The following HMMR variants were observed in gnomAD, a reference collection of about 807,000 sequenced individuals.
HMMR encodes the protein hyaluronan mediated motility receptor.
HMMR carries 108 observed loss-of-function variants against 101.0 expected under a neutral mutation model. That is an observed-to-expected ratio of 1.07 (90% CI 0.92 to 1.25). HMMR has a LOEUF of 1.25. HMMR is among the 50% of genes most tolerant of loss of function. The pLI is 0.00. For missense variants in HMMR, 813 were observed against 788.7 expected, an observed-to-expected ratio of 1.03 and a Z score of -0.37; for synonymous variants, 296 against 276.4, an observed-to-expected ratio of 1.07 and a Z score of -0.70.
chr5:163,478,757 A>C lies in HMMR; in HGVS notation c.1342A>C (p.Ser448Arg). 1 of 1,612,670 alleles carries C rather than the reference A, an allele frequency of 6.2e-7. No individual in the cohort carries two copies. The highest frequency in any genetic ancestry group is 1.3e-5 in the African/African-American group (1 of 75,048). ...ATLLLQEKYD[S>R]MVQSLEDVTA... ...CCTGCTTTTGCAGGAAAAGTATGAC[A>C]GTATGGTGCAAAGCCTTGAAGATGT... Residue 448 changes from serine (S) to arginine (R), a missense_variant, in exon 12 of 18, where the codon AGT becomes CGT. Coordinates refer to ENST00000393915, the MANE Select transcript of HMMR (RefSeq NM_001142556.2).
At position 163,473,954 on chromosome 5, in the gene HMMR, T is replaced by C. The variant is rs916585000; in HGVS notation, c.905-103T>C. On this transcript the variant is annotated intron_variant, in intron 9 of 17. Transcript: ENST00000393915. ...ACAGTTTTGTTTTCTTCTTTGGAAA[T>C]ACCATGCTAAAAGCAGTGTAATGGA... The C allele has an allele frequency of 1.2e-5, 11 of 886,054 alleles. No individual in the cohort carries two copies. The East Asian group carries it at 2.7e-4, about 21-fold the overall frequency. 54.9% of individuals were successfully genotyped at this position (886,054 alleles called of 1,614,324 possible).
At chr5:163,475,380 C>T in intron 10 of HMMR, 78 bp from the exon 11 acceptor site, 1 of 705,152 alleles carries the variant, frequency 1.4e-6, no homozygotes, top group South Asian at 2.1e-5. Flanking sequence ...CCTTCTTTAT[C>T]TGTACTTTTT....
At chr5:163,486,116 A>G (rs1229188479) in intron 16 of HMMR, among the ~76,000 whole-genome samples, 1 of 152,178 alleles carries the variant, frequency 6.6e-6, no homozygotes, top group Admixed American at 6.5e-5. Flanking sequence ...GGTTTTGTCT[A>G]TTCTGGACCT....
intron 16 of HMMR, among the ~76,000 whole-genome samples, 193 bp downstream of exon 16, chr5:163,484,438 C>A (rs775352982): frequency 1.5e-4 from 23 of 152,056 alleles, no homozygotes; most frequent in Non-Finnish European, 3.1e-4. Flanking sequence ...AGTTTTCTAG[C>A]TACCTTCTTA....
rs756559073 is a variant in HMMR, at chr5:163,483,035, G to A, written c.1548G>A (p.Leu516=). Residue 516 remains leucine (L), a synonymous_variant, in exon 14 of 18, where the codon CTG becomes CTA. Transcript: ENST00000393915. The stretch of plus-strand genomic sequence containing the variant: ...CAAACCAAAGGATGCTTCTAGATCT[G>A]CAGACCAAGTCAGCACTAAAGGAAA... ...NQEYVRMLLD[L]QTKSALKETE... The A allele has an allele frequency of 1.2e-6, 2 of 1,603,648 alleles. No homozygotes were observed. The highest frequency in any genetic ancestry group is 1.7e-6 in the Non-Finnish European group (2 of 1,177,018).
intron 4 of HMMR, among the ~76,000 whole-genome samples, chr5:163,468,289 C>T (rs1275921797): frequency 1.3e-5 from 2 of 152,230 alleles, no homozygotes; most frequent in African/African-American, 4.8e-5. Context: ...CTCAATTCCT[C>T]AGTTGCAATA....
intron 2 of HMMR, among the ~76,000 whole-genome samples, chr5:163,464,179 G>A (rs1387810063): frequency 6.6e-6 from 1 of 152,144 alleles, no homozygotes; most frequent in East Asian, 1.9e-4. Flanking sequence ...TTGATATGTA[G>A]CTTCCCTTTT....
At position 163,474,146 on chromosome 5, in the gene HMMR, GA is replaced by G. The variant is rs776499506; in HGVS notation, c.996del (p.Glu332AspfsTer48). 140 of 1,610,914 alleles carry G rather than the reference GA, an allele frequency of 8.7e-5. No individual in the cohort carries two copies. The highest frequency in any genetic ancestry group is 7.5e-5 in the Non-Finnish European group (88 of 1,178,330). On this transcript the variant is annotated frameshift_variant, in exon 10 of 18. Coordinates refer to ENST00000393915, the MANE Select transcript of HMMR (RefSeq NM_001142556.2). LOFTEE classifies it high-confidence loss of function. ...ACAGAAGTTTATTCTTGAACAACAG[GA>G]ACGTGAAAAGCTTCAACAAAAAGAA... ...LKQKFILEQQ[E>X]REKLQQKELQ...
In HMMR at chr5:163,469,801, C is replaced by G. The variant is rs1183596413; in HGVS notation, c.434C>G (p.Thr145Ser). The change falls in exon 5 of 18, where the codon ACC becomes AGC. Residue 145 changes from threonine (T) to serine (S), a missense_variant. By Grantham distance (58) the Thr-to-Ser change is moderately conservative. Transcript: ENST00000393915. ...CTGGAAAAACAACTTATTGAATTGA[C>G]CAGGACTAATGAACTACTAAAATCT... ...ATLEKQLIEL[T>S]RTNELLKSKF... 6.2e-7 allele frequency: 1 copy of G among 1,607,494 alleles called. No homozygotes were observed. The highest frequency in any genetic ancestry group is 8.5e-7 in the Non-Finnish European group (1 of 1,174,750).
In HMMR at chr5:163,474,096, TAAATG is replaced by T. The variant is rs1758991377; in HGVS notation, c.945_949del (p.Asn316ArgfsTer12). On this transcript the variant is annotated frameshift_variant, in exon 10 of 18. Coordinates refer to ENST00000393915, the MANE Select transcript of HMMR (RefSeq NM_001142556.2). LOFTEE classifies it high-confidence loss of function. ...AGGAATAGAGAACACAACGAAAATC[TAAATG>T]CAGAGATGCAAAACTTAAAACAGAA... The T allele has an allele frequency of 6.2e-7, 1 of 1,611,656 alleles. No homozygotes were observed. Among genetic ancestry groups the T allele is most frequent in the African/African-American group, 1.3e-5 (1 of 74,848 alleles).
chr5:163,473,582 T>TA, intron 9 of HMMR, 25 bp downstream of exon 9: 1 of 1,443,236 alleles, frequency 6.9e-7, no homozygotes, highest in Non-Finnish European at 9.4e-7. Context: ...TATAGTTACT[T>TA]TGTTTAGATA....
rs1045588908 is a variant in HMMR at position 163,469,860 on chromosome 5, T to A, written c.462+31T>A. 6 of 1,447,080 alleles carry A rather than the reference T, an allele frequency of 4.1e-6. No homozygotes were observed. In the African/African-American group the frequency reaches 7.1e-5, roughly 17 times the overall value. 89.6% of individuals were successfully genotyped at this position (1,447,080 alleles called of 1,614,324 possible). A position where few individuals can be genotyped will look rare whatever the true frequency, so the allele number is the denominator to read the frequency against. ...TGAGCCTCATGATAATATTTACAAT[T>A]GAATAAATATAAACACGTTTTTTAG... On this transcript the variant is annotated intron_variant, in intron 5 of 17. Coordinates refer to ENST00000393915, the MANE Select transcript of HMMR (RefSeq NM_001142556.2).
At chr5:163,461,295 A>G (rs1758523290) in intron 1 of HMMR, among the ~76,000 whole-genome samples, 1 of 152,156 alleles carries the variant, frequency 6.6e-6, no homozygotes, top group African/African-American at 2.4e-5. Context: ...ATTATTAGTT[A>G]TGTTAATTTC....
At chr5:163,489,634 G>A (rs1379679125) in intron 16 of HMMR, among the ~76,000 whole-genome samples, 3 of 151,990 alleles carry the variant, frequency 2.0e-5, no homozygotes, top group Non-Finnish European at 4.4e-5. Flanking sequence ...TCATGAGCCA[G>A]AGAAAGAGTC....
At position 163,479,064 on chromosome 5, in the gene HMMR, C is replaced by G. The variant is rs1354384979; in HGVS notation, c.1385+264C>G. 3.3e-5 allele frequency among the ~76,000 whole-genome samples: 5 copies of G among 152,326 alleles called. No homozygotes were observed. In the East Asian group the frequency reaches 9.6e-4, roughly 29 times the overall value. Reference sequence around the variant, plus strand: ...CTGAGCCAGGTGCGGCAGCATATGCCTGTAGTCCTAGCCACTGCATAAGCT... The same window carrying G: ...CTGAGCCAGGTGCGGCAGCATATGCGTGTAGTCCTAGCCACTGCATAAGCT... On this transcript the variant is annotated intron_variant, in intron 12 of 17. Coordinates refer to ENST00000393915, the MANE Select transcript of HMMR (RefSeq NM_001142556.2).
intron 12 of HMMR, 107 bp downstream of exon 12, chr5:163,478,907 A>G: frequency 1.6e-6 from 1 of 628,956 alleles, no homozygotes; most frequent in South Asian, 2.0e-5. Flanking sequence ...GATTCATACT[A>G]GTTTAAATTC....
rs770106985 is a variant in HMMR, at chr5:163,491,129, C to T, written c.2143C>T (p.Arg715Ter). 5 of 1,567,152 alleles carry T rather than the reference C, an allele frequency of 3.2e-6. No individual in the cohort carries two copies. Among genetic ancestry groups the T allele is most frequent in the Admixed American group, 3.7e-5 (2 of 53,492 alleles). The change falls in exon 18 of 18, where the codon CGA becomes TGA. Residue 715 changes from arginine to a stop codon, truncating the protein, a stop_gained. Coordinates refer to ENST00000393915, the MANE Select transcript of HMMR (RefSeq NM_001142556.2). LOFTEE classifies it high-confidence loss of function. ...TCTTCTAGGCAATACAAACTGTTAC[C>T]GAGCTCCTATGGAGTGTCAAGAATC... Reference protein sequence around the residue: ...PLKEGNTNCYRAPMECQESWK With the variant: ...PLKEGNTNCY
At chr5:163,465,683 G>A (rs1388213576) in intron 3 of HMMR, among the ~76,000 whole-genome samples, 1 of 152,050 alleles carries the variant, frequency 6.6e-6, no homozygotes, top group Non-Finnish European at 1.5e-5. Context: ...GCTGGGGGGC[G>A]CACAGTGGTT....
intron 16 of HMMR, among the ~76,000 whole-genome samples, 167 bp downstream of exon 16, chr5:163,484,412 GC>G (rs1373855109): frequency 5.3e-5 from 8 of 152,186 alleles, no homozygotes; most frequent in Admixed American, 3.3e-4. Context: ...GACCAGATGG[GC>G]ATTCAATGTT....
Sources: gnomAD v4.1 joint callset for allele counts (sites outside exome capture counted in the v4.1 genomes callset) on GRCh38, gnomAD v4.1.1 for gene constraint, MANE v1.5 for transcripts, NCBI Gene and HGNC (gene_info 2026-07-23, HGNC 2026-07-21) for gene names.